The following ACTR3C variants were observed in gnomAD, a reference collection of about 807,000 sequenced individuals.
ACTR3C encodes the protein actin-related protein 3C.
Under a neutral mutation model 26.3 loss-of-function variants are expected in ACTR3C, and 18 were observed. That is an observed-to-expected ratio of 0.68 (90% confidence interval 0.47 to 1.01). The LOEUF is 1.01. Ranked by LOEUF, ACTR3C falls within the 50% of genes least tolerant of loss-of-function variation. The pLI is 0.00. For missense variants in ACTR3C, 184 were observed against 250.7 expected, an observed-to-expected ratio of 0.73 and a Z score of 1.80; for synonymous variants, 55 against 94.5, an observed-to-expected ratio of 0.58 and a Z score of 2.42.
the ACTR3C span, among the ~76,000 whole-genome samples, chr7:150,051,012 G>A: frequency 1.3e-5 from 2 of 149,614 alleles, no homozygotes; most frequent in East Asian, 4.0e-4. Context: ...GCTGAGACAG[G>A]AGAATTGCTT....
At chr7:150,082,644 C>T in the ACTR3C span, among the ~76,000 whole-genome samples, 1 of 152,196 alleles carries the variant, frequency 6.6e-6, no homozygotes, top group Non-Finnish European at 1.5e-5. Context: ...CAGGGCCATA[C>T]AGATCAGGTG....
the ACTR3C span, among the ~76,000 whole-genome samples, chr7:149,943,277 C>G: frequency 2.7e-5 from 4 of 148,892 alleles, no homozygotes; most frequent in African/African-American, 1.0e-4. Context: ...TTGCTGACCC[C>G]TGCTCTGGGG....
At chr7:150,058,555 C>T in the ACTR3C span, among the ~76,000 whole-genome samples, 1 of 152,188 alleles carries the variant, frequency 6.6e-6, no homozygotes, top group African/African-American at 2.4e-5. Flanking sequence ...ATCACTTCCT[C>T]CTGTTTTCTG....
chr7:149,966,356 TC>T, the ACTR3C span, among the ~76,000 whole-genome samples: 1 of 152,156 alleles, frequency 6.6e-6, no homozygotes, highest in African/African-American at 2.4e-5. Flanking sequence ...ATGTGCAAAG[TC>T]CCCTGAGCCC....
At chr7:150,147,507 G>T in the ACTR3C span, among the ~76,000 whole-genome samples, 1 of 152,156 alleles carries the variant, frequency 6.6e-6, no homozygotes, top group African/African-American at 2.4e-5. Context: ...TACATGTACA[G>T]TTCAGCGGTA....
At chr7:150,016,743 T>C in the ACTR3C span, among the ~76,000 whole-genome samples, 3 of 152,108 alleles carry the variant, frequency 2.0e-5, no homozygotes, top group African/African-American at 4.8e-5. Context: ...CCAAGGCTTA[T>C]ATACCATAGG....
At chr7:150,043,872 T>A in the ACTR3C span, among the ~76,000 whole-genome samples, 8 of 152,090 alleles carry the variant, frequency 5.3e-5, no homozygotes, top group Non-Finnish European at 7.3e-5. Context: ...AGTTGATAGA[T>A]CCCAAGGACA....
chr7:149,983,449 G>GTGTGTGTATATATA, the ACTR3C span, among the ~76,000 whole-genome samples: 2 of 23,326 alleles, frequency 8.6e-5, no homozygotes, highest in Non-Finnish European at 1.6e-4. Flanking sequence ...GTGTGTGTGT[G>GTGTGTGTATATATA]TATATATATA....
chr7:150,105,920 TAA>T, the ACTR3C span, among the ~76,000 whole-genome samples: 7 of 152,090 alleles, frequency 4.6e-5, no homozygotes, highest in Non-Finnish European at 8.8e-5. Flanking sequence ...ATTTATACCT[TAA>T]GTCAATATTA....
At chr7:150,168,255 C>G in the ACTR3C span, among the ~76,000 whole-genome samples, 1 of 150,844 alleles carries the variant, frequency 6.6e-6, no homozygotes, top group Admixed American at 6.6e-5. Flanking sequence ...GCTCACATTA[C>G]TGCTGGAGCT....
the ACTR3C span, among the ~76,000 whole-genome samples, chr7:149,898,669 C>T: frequency 2.0e-5 from 3 of 151,368 alleles, no homozygotes; most frequent in East Asian, 3.9e-4. Flanking sequence ...GATCACGCCA[C>T]TGCACTCCAG....
intron 7 of ACTR3C, chr7:150,248,147 CCAGGGAAG>C (rs1177845659): frequency 2.0e-5 from 3 of 152,214 alleles, no homozygotes; most frequent in Non-Finnish European, 4.4e-5. Context: ...AGCTCCTGTC[CCAGGGAAG>C]CAGGCCATGG....
chr7:150,146,079 A>G, the ACTR3C span, among the ~76,000 whole-genome samples: 4 of 152,184 alleles, frequency 2.6e-5, no homozygotes, highest in African/African-American at 9.7e-5. Flanking sequence ...TTCAGCTTGT[A>G]TTTTACCACT....
the ACTR3C span, among the ~76,000 whole-genome samples, chr7:149,988,690 G>A: frequency 6.6e-6 from 1 of 152,158 alleles, no homozygotes; most frequent in Non-Finnish European, 1.5e-5. Flanking sequence ...CTCATGATGA[G>A]AGAACCCTCA....
rs375745156 is a variant in ACTR3C, at chr7:150,292,781, G to C, written c.153+531C>G. ...CAAAGTGCTGGGATTACAGGCGTGA[G>C]CCACCGCGCCCAGCCCTTAAATAAA... On this transcript the variant is annotated intron_variant, in intron 3 of 7. Transcript: ENST00000683684. 5.3e-5 allele frequency among the ~76,000 whole-genome samples: 8 copies of C among 152,324 alleles called. No homozygotes were observed. In the East Asian group the frequency reaches 1.5e-3, roughly 29 times the overall value.
chr7:150,014,977 C>G, the ACTR3C span, among the ~76,000 whole-genome samples: 1 of 152,144 alleles, frequency 6.6e-6, no homozygotes, highest in Non-Finnish European at 1.5e-5. Context: ...GTTTTCTCCT[C>G]TATAAATTAG....
At chr7:150,295,159 G>A (rs577725987) in intron 2 of ACTR3C, 93 bp downstream of exon 2, 20 of 1,435,882 alleles carry the variant, frequency 1.4e-5, no homozygotes, top group Non-Finnish European at 1.7e-5. Flanking sequence ...GGCACACAGC[G>A]CAGTCTTCCA....
At chr7:149,997,492 G>T in the ACTR3C span, among the ~76,000 whole-genome samples, 2 of 152,104 alleles carry the variant, frequency 1.3e-5, no homozygotes, top group Admixed American at 1.3e-4. Context: ...GTGCTTAAGA[G>T]AGTGTCTGGT....
the ACTR3C span, among the ~76,000 whole-genome samples, chr7:149,939,737 G>A: frequency 2.1e-5 from 3 of 145,608 alleles, no homozygotes; most frequent in South Asian, 7.2e-4. Context: ...ATAAGGATGT[G>A]TCACATATGT....
Sources: allele counts gnomAD v4.1 joint callset (sites outside exome capture counted in the v4.1 genomes callset), GRCh38; gene constraint gnomAD v4.1.1; transcripts MANE v1.5; gene names NCBI Gene and HGNC (gene_info 2026-07-23, HGNC 2026-07-21).